SLIT3: variants seen among roughly 807,000 people sequenced by gnomAD.
SLIT3 encodes the protein slit guidance ligand 3, also known as slit homolog 3 protein.
A neutral mutation model predicts 184.0 loss-of-function variants in SLIT3; 68 were observed. The ratio of observed to expected loss-of-function variants is 0.37; its 90% CI spans 0.30 to 0.45. The LOEUF (loss-of-function observed/expected upper bound fraction) is 0.45. Among genes scored for constraint, SLIT3 ranks in the 20% least tolerant of loss-of-function variants. The probability of loss-of-function intolerance (pLI) is 1.00; values close to 1 mark genes in which losing one functional copy is unlikely to be tolerated. For missense variants in SLIT3, 1,707 were observed against 2,026.0 expected, an observed-to-expected ratio of 0.84 and a Z score of 3.02; for synonymous variants, 831 against 828.6, an observed-to-expected ratio of 1.00 and a Z score of -0.05.
rs923661576 is a variant in SLIT3 at position 168,815,515 on chromosome 5, T to C, written c.793+1785A>G. Among the ~76,000 whole-genome samples, 58 of 152,244 alleles carry C rather than the reference T, an allele frequency of 3.8e-4. 1 individual carries two copies. The highest frequency in any genetic ancestry group is 3.7e-3 in the Admixed American group (57 of 15,286). On this transcript the variant is annotated intron_variant, in intron 8 of 35. Coordinates refer to ENST00000519560, the MANE Select transcript of SLIT3 (RefSeq NM_003062.4). The stretch of plus-strand genomic sequence containing the variant: ...TGCCGATATTGTACCCTTTGCCGAA[T>C]AATTACTGTAATTATAGTCACTATA...
intron 3 of SLIT3, among the ~76,000 whole-genome samples, chr5:169,244,287 G>A (rs541686739): frequency 7.2e-5 from 11 of 152,376 alleles, no homozygotes; most frequent in Non-Finnish European, 1.6e-4. Context: ...AACACTCAGG[G>A]AGGAGAAGGC....
intron 5 of SLIT3, among the ~76,000 whole-genome samples, chr5:168,875,270 G>A (rs1759690513): frequency 6.6e-6 from 1 of 150,838 alleles, no homozygotes; most frequent in Non-Finnish European, 1.5e-5. Flanking sequence ...AGAGTGAGAA[G>A]GGAAGAAAAC....
At chr5:168,680,120 G>A (rs1294455855) in intron 32 of SLIT3, among the ~76,000 whole-genome samples, 2 of 152,210 alleles carry the variant, frequency 1.3e-5, no homozygotes, top group Non-Finnish European at 2.9e-5. Context: ...CACTCCTTTG[G>A]ATGGGGCTCC....
intron 3 of SLIT3, among the ~76,000 whole-genome samples, chr5:169,207,387 A>C (rs1349891287): frequency 1.3e-5 from 2 of 149,826 alleles, no homozygotes; most frequent in Non-Finnish European, 3.0e-5. Context: ...ACACACACAC[A>C]CACACACACA....
At chr5:168,911,636 C>A (rs543842118) in intron 4 of SLIT3, among the ~76,000 whole-genome samples, 2 of 152,202 alleles carry the variant, frequency 1.3e-5, no homozygotes, top group East Asian at 3.9e-4. Flanking sequence ...TAATTCCAGT[C>A]CAAGATTTTG....
At position 168,666,282 on chromosome 5, in the gene SLIT3, A is replaced by T; in HGVS notation, c.*172T>A. ...AAGATGAAAATAGTCACTTTCCATA[A>T]TAAAAATAAGTTCTATTTTTTGTTT... On this transcript the variant is annotated 3_prime_UTR_variant, in exon 36 of 36. Coordinates refer to ENST00000519560, the MANE Select transcript of SLIT3 (RefSeq NM_003062.4). 1.8e-6 allele frequency: 1 copy of T among 556,448 alleles called. No homozygotes were observed. The highest frequency in any genetic ancestry group is 2.9e-6 in the Non-Finnish European group (1 of 342,976). 34.5% of individuals were successfully genotyped at this position (556,448 alleles called of 1,614,324 possible).
intron 20 of SLIT3, among the ~76,000 whole-genome samples, chr5:168,744,437 C>G (rs1159176504): frequency 1.3e-5 from 2 of 152,224 alleles, no homozygotes; most frequent in East Asian, 3.8e-4. Context: ...AACAACAGAT[C>G]TTCCGTGGAG....
intron 1 of SLIT3, among the ~76,000 whole-genome samples, chr5:169,269,463 T>C (rs548695794): frequency 1.3e-5 from 2 of 152,342 alleles, no homozygotes; most frequent in East Asian, 3.9e-4. Context: ...AGGCAGATCC[T>C]CTGCACTCAC....
intron 4 of SLIT3, among the ~76,000 whole-genome samples, chr5:169,038,502 A>C (rs1346529771): frequency 2.6e-5 from 4 of 152,198 alleles, no homozygotes. Flanking sequence ...GTTTTTAAAA[A>C]AGTGCATTAG....
At chr5:169,131,901 G>A (rs1561685596) in intron 4 of SLIT3, among the ~76,000 whole-genome samples, 1 of 152,190 alleles carries the variant, frequency 6.6e-6, no homozygotes, top group South Asian at 2.1e-4. Context: ...AAAGTCTAGA[G>A]AGAGGGCACT....
intron 1 of SLIT3, among the ~76,000 whole-genome samples, chr5:169,267,545 T>C (rs1319534044): frequency 6.6e-6 from 1 of 152,214 alleles, no homozygotes; most frequent in Non-Finnish European, 1.5e-5. Context: ...AGATCTAAAG[T>C]TGATGTACTT....
chr5:168,932,347 GACACACACACACACACACAC>G (rs375350401), intron 4 of SLIT3, among the ~76,000 whole-genome samples: 2 of 131,146 alleles, frequency 1.5e-5, no homozygotes, highest in African/African-American at 2.8e-5. Flanking sequence ...AGGGGAAAAA[GACACACACACACACACACAC>G]ACACACACAC....
At chr5:168,792,683 C>A (rs1756418705) in intron 10 of SLIT3, among the ~76,000 whole-genome samples, 1 of 152,200 alleles carries the variant, frequency 6.6e-6, no homozygotes, top group Non-Finnish European at 1.5e-5. Context: ...CATTCTGGCA[C>A]AATAATAGAT....
intron 4 of SLIT3, among the ~76,000 whole-genome samples, chr5:168,945,226 G>C (rs1013685914): frequency 3.3e-5 from 5 of 150,718 alleles, no homozygotes; most frequent in East Asian, 2.0e-4. Context: ...AAGATCAAAA[G>C]CTTCGTGATT....
Position 168,761,281 on chromosome 5 carries a change from T to C in SLIT3, c.1611-345A>G, listed in dbSNP as rs530320362. Among the ~76,000 whole-genome samples the C allele has an allele frequency of 4.6e-5, 7 of 152,152 alleles. No homozygotes were observed. The South Asian group carries it at 1.5e-3, about 32-fold the overall frequency. On this transcript the variant is annotated intron_variant, in intron 15 of 35. Transcript: ENST00000519560. ...TGACAACTTAAAACCCCCAGGAAGGTTTCTCCAGGGTCTCCCAACCCTCCA... is the reference window on the plus strand; with the variant it reads ...TGACAACTTAAAACCCCCAGGAAGGCTTCTCCAGGGTCTCCCAACCCTCCA...
chr5:169,208,453 G>C (rs10077044), intron 3 of SLIT3, among the ~76,000 whole-genome samples: 10,473 of 151,942 alleles, frequency 0.069, 457 homozygotes, highest in South Asian at 0.12. Context: ...CATATGGAAC[G>C]CAAAAAAGAG....
intron 4 of SLIT3, among the ~76,000 whole-genome samples, chr5:168,981,065 TA>T (rs2113355542): frequency 6.6e-6 from 1 of 152,342 alleles, no homozygotes; most frequent in South Asian, 2.1e-4. Flanking sequence ...CCCAAAAAGA[TA>T]TTTTTTTAAA....
chr5:169,079,622 AGAAGAGGAGGAGGGAAGAGGAGGAGGAGG>A (rs1561649187), intron 4 of SLIT3, among the ~76,000 whole-genome samples: 3 of 52,734 alleles, frequency 5.7e-5, no homozygotes, highest in African/African-American at 2.4e-4. Context: ...GAAGGAGGAG[AGAAGAGGAGGAGGGAAGAGGAGGAGGAGG>A]GAAGAGGAGG....
intron 16 of SLIT3, among the ~76,000 whole-genome samples, chr5:168,757,681 T>C (rs910793982): frequency 8.5e-5 from 13 of 152,322 alleles, no homozygotes; most frequent in African/African-American, 3.1e-4. Flanking sequence ...GTGATCCGCC[T>C]GGCTCAGCCT....
Sources: allele counts gnomAD v4.1 joint callset (sites outside exome capture counted in the v4.1 genomes callset), GRCh38; gene constraint gnomAD v4.1.1; transcripts MANE v1.5; gene names NCBI Gene and HGNC (gene_info 2026-07-23, HGNC 2026-07-21).